The following RBFOX1 variants were observed in gnomAD, a reference collection of about 807,000 sequenced individuals.
The protein encoded by RBFOX1 is RNA binding protein fox-1 homolog 1.
Under a neutral mutation model 57.7 loss-of-function variants are expected in RBFOX1, and 8 were observed. The ratio of observed to expected loss-of-function variants is 0.14; its 90% CI spans 0.08 to 0.25. The LOEUF (loss-of-function observed/expected upper bound fraction) is 0.25. Ranked by LOEUF, RBFOX1 falls within the 10% of genes least tolerant of loss-of-function variation. The pLI is 1.00. For missense variants in RBFOX1, 611 were observed against 548.5 expected (o/e 1.11, Z -1.14); for synonymous variants, 326 against 222.4 (o/e 1.47, Z -4.15).
chr16:6,091,044 C>G (rs989836575), intron 1 of RBFOX1, among the ~76,000 whole-genome samples: 1 of 152,296 alleles, frequency 6.6e-6, no homozygotes, highest in East Asian at 1.9e-4. Flanking sequence ...TTGATCAATT[C>G]TTTCTGTTGG....
At chr16:6,180,885 A>C (rs1005587137) in intron 1 of RBFOX1, among the ~76,000 whole-genome samples, 1 of 151,906 alleles carries the variant, frequency 6.6e-6, no homozygotes, top group Admixed American at 6.6e-5. Context: ...TTTAATCTTC[A>C]TTTCTGAAAG....
At chr16:6,406,018 C>G (rs994693431) in intron 2 of RBFOX1, among the ~76,000 whole-genome samples, 1 of 152,196 alleles carries the variant, frequency 6.6e-6, no homozygotes, top group South Asian at 2.1e-4. Flanking sequence ...GAATTAAGGA[C>G]TCAGAACTTG....
intron 3 of RBFOX1, among the ~76,000 whole-genome samples, chr16:6,929,073 G>A (rs887473577): frequency 6.6e-6 from 1 of 152,150 alleles, no homozygotes. Flanking sequence ...CACCATGCTT[G>A]CCCCACTCCC....
At chr16:6,873,610 T>A (rs2061332331) in intron 3 of RBFOX1, among the ~76,000 whole-genome samples, 1 of 152,206 alleles carries the variant, frequency 6.6e-6, no homozygotes, top group African/African-American at 2.4e-5. Flanking sequence ...TAGTTTTTAC[T>A]GGGATTGTGT....
chr16:5,394,723 A>AT (rs1333646624), intron 1 of RBFOX1, among the ~76,000 whole-genome samples: 1 of 151,730 alleles, frequency 6.6e-6, no homozygotes, highest in Non-Finnish European at 1.5e-5. Flanking sequence ...TAATTTTTGT[A>AT]TTTTTTGTAG....
At chr16:7,521,138 GGT>G in intron 5 of RBFOX1, among the ~76,000 whole-genome samples, 1 of 152,280 alleles carries the variant, frequency 6.6e-6, no homozygotes, top group Non-Finnish European at 1.5e-5. Flanking sequence ...TGATGCTTAA[GGT>G]GGTAAGACAA....
intron 3 of RBFOX1, among the ~76,000 whole-genome samples, chr16:7,050,688 A>G (rs1002849884): frequency 1.3e-5 from 2 of 152,098 alleles, no homozygotes; most frequent in East Asian, 1.9e-4. Flanking sequence ...AACATTTTTC[A>G]TATCTCTATA....
intron 2 of RBFOX1, among the ~76,000 whole-genome samples, chr16:6,334,974 G>C (rs1344591158): frequency 1.3e-5 from 2 of 152,224 alleles, no homozygotes; most frequent in Admixed American, 1.3e-4. Context: ...AGAGAGAACA[G>C]TGTCATCCTA....
At chr16:6,699,889 A>G (rs947633249) in intron 3 of RBFOX1, among the ~76,000 whole-genome samples, 2 of 152,116 alleles carry the variant, frequency 1.3e-5, no homozygotes, top group Non-Finnish European at 2.9e-5. Context: ...CAAGTCCTTC[A>G]ATTTGGGCCC....
At chr16:6,261,060 A>G (rs954043940) in intron 1 of RBFOX1, among the ~76,000 whole-genome samples, 2 of 152,166 alleles carry the variant, frequency 1.3e-5, no homozygotes, top group Admixed American at 6.5e-5. Flanking sequence ...AACTTGTATA[A>G]CTTGCAATGT....
chr16:6,658,301 C>T (rs997711246), intron 3 of RBFOX1, among the ~76,000 whole-genome samples: 2 of 150,896 alleles, frequency 1.3e-5, no homozygotes, highest in African/African-American at 4.9e-5. Context: ...GTGGTGTGAT[C>T]GTGATCTCAG....
chr16:7,394,172 G>A lies in RBFOX1; in HGVS notation c.28-123975G>A, dbSNP rs149893950. ...AATTGCTTGAACCCAGGAGGCAGAG[G>A]TTGTAGTGAGCCAAGATCGTGCTAC... On this transcript the variant is annotated intron_variant, in intron 4 of 15. Coordinates refer to ENST00000550418, the MANE Select transcript of RBFOX1 (RefSeq NM_018723.4). Among the ~76,000 whole-genome samples the A allele has an allele frequency of 5.0e-4, 70 of 138,724 alleles. 2 individuals carry two copies. In the East Asian group the frequency reaches 0.013, roughly 26 times the overall value. The allele number at this position is 138,724 out of a possible 152,430, so 91.0% of individuals were successfully genotyped here.
chr16:7,573,680 A>C (rs1382393093), intron 5 of RBFOX1, among the ~76,000 whole-genome samples: 2 of 151,962 alleles, frequency 1.3e-5, no homozygotes, highest in African/African-American at 2.4e-5. Context: ...GTAAAAATAC[A>C]AAAATGAGCC....
intron 3 of RBFOX1, among the ~76,000 whole-genome samples, chr16:6,868,409 C>T (rs17141578): frequency 0.088 from 13,366 of 152,086 alleles, 625 homozygotes; most frequent in South Asian, 0.12. Context: ...GGTTAGTGTT[C>T]AAATTGGTAA....
At chr16:7,298,362 T>A (rs1487032241) in intron 4 of RBFOX1, among the ~76,000 whole-genome samples, 3 of 140,166 alleles carry the variant, frequency 2.1e-5, no homozygotes, top group Non-Finnish European at 4.6e-5. Context: ...GATCTCAGCC[T>A]ACCGCAGCCT....
At chr16:5,648,715 A>T (rs1210059088) in intron 3 of RBFOX1, among the ~76,000 whole-genome samples, 1 of 152,128 alleles carries the variant, frequency 6.6e-6, no homozygotes, top group African/African-American at 2.4e-5. Flanking sequence ...GTTATTGAGG[A>T]TATGGAGTTA....
At chr16:7,298,568 A>G (rs1271266664) in intron 4 of RBFOX1, among the ~76,000 whole-genome samples, 1 of 152,226 alleles carries the variant, frequency 6.6e-6, no homozygotes, top group Non-Finnish European at 1.5e-5. Context: ...CCGGGATTAC[A>G]GGCATGAGCC....
chr16:6,797,587 A>G (rs1358013780), intron 3 of RBFOX1, among the ~76,000 whole-genome samples: 1 of 152,182 alleles, frequency 6.6e-6, no homozygotes, highest in South Asian at 2.1e-4. Context: ...CATTTTCATG[A>G]CAGAAGAAAT....
intron 3 of RBFOX1, among the ~76,000 whole-genome samples, chr16:5,857,207 G>A (rs187605391): frequency 3.9e-5 from 6 of 152,186 alleles, no homozygotes; most frequent in South Asian, 2.1e-4. Context: ...GCTGGTTTGC[G>A]AAATAGTCAG....
Sources: gnomAD v4.1 joint callset for allele counts (sites outside exome capture counted in the v4.1 genomes callset) on GRCh38, gnomAD v4.1.1 for gene constraint, MANE v1.5 for transcripts, NCBI Gene and HGNC (gene_info 2026-07-23, HGNC 2026-07-21) for gene names.